The following KMT2E variants were observed in gnomAD, a reference collection of about 807,000 sequenced individuals.
KMT2E encodes lysine methyltransferase 2E (inactive).
In KMT2E, 30 loss-of-function variants were observed where a neutral mutation model predicts 184.6. That is an observed-to-expected ratio of 0.16 (90% confidence interval 0.12 to 0.22). KMT2E has a LOEUF of 0.22. Ranked by LOEUF, KMT2E falls within the 10% of genes least tolerant of loss-of-function variation. The pLI is 1.00. For missense variants in KMT2E, 2,023 were observed against 2,237.4 expected, an observed-to-expected ratio of 0.90 and a Z score of 1.93; for synonymous variants, 815 against 776.5, an observed-to-expected ratio of 1.05 and a Z score of -0.82.
intron 6 of KMT2E, among the ~76,000 whole-genome samples, 199 bp from the exon 7 acceptor site, chr7:105,073,420 T>A (rs761544659): frequency 1.4e-5 from 2 of 143,528 alleles, no homozygotes; most frequent in Admixed American, 7.1e-5. Context: ...AAAAAAAAAA[T>A]CAGAGTGAAA....
intron 5 of KMT2E, among the ~76,000 whole-genome samples, chr7:105,066,090 G>A (rs1018200159): frequency 6.6e-6 from 1 of 151,864 alleles, no homozygotes; most frequent in Non-Finnish European, 1.5e-5. Context: ...TGCCTCTTTA[G>A]TTGGTCTTTC....
chr7:105,069,772 A>G (rs780975228), intron 6 of KMT2E, among the ~76,000 whole-genome samples: 8 of 152,202 alleles, frequency 5.3e-5, no homozygotes, highest in Non-Finnish European at 1.2e-4. Context: ...CACTCTATAG[A>G]ACATTCCTGT....
intron 15 of KMT2E, among the ~76,000 whole-genome samples, chr7:105,096,777 A>G (rs890460493): frequency 1.3e-5 from 2 of 152,248 alleles, no homozygotes; most frequent in African/African-American, 4.8e-5. Context: ...GCTTCCCTGT[A>G]GTTCAGGTAA....
intron 18 of KMT2E, 21 bp downstream of exon 18, chr7:105,105,714 A>G (rs1407031292): frequency 1.9e-6 from 3 of 1,587,686 alleles, no homozygotes; most frequent in Non-Finnish European, 2.6e-6. Context: ...CTTTGGAAGT[A>G]AAAATGTAGA....
At chr7:105,075,638 A>G (rs974858827) in intron 8 of KMT2E, among the ~76,000 whole-genome samples, 29 of 151,678 alleles carry the variant, frequency 1.9e-4, no homozygotes, top group African/African-American at 7.0e-4. Context: ...TTGTCTTTGT[A>G]TTATATTATA....
chr7:105,039,954 G>A (rs189202381), intron 2 of KMT2E, among the ~76,000 whole-genome samples: 337 of 152,146 alleles, frequency 2.2e-3, no homozygotes, highest in Non-Finnish European at 3.4e-3. Context: ...TAGAAAAATT[G>A]ATGTTGAAGC....
In KMT2E at chr7:105,040,976, G is replaced by C; in HGVS notation, c.24G>C (p.Gly8=). ...TCATGAGCATAGTGATCCCATTGGG[G>C]GTTGATACAGCAGAGACGTCATACT... The part of the protein sequence containing the change: MSIVIPL[G]VDTAETSYLE... The change falls in exon 3 of 27, where the codon GGG becomes GGC. Residue 8 remains glycine (G), a synonymous_variant. Transcript: ENST00000311117. The C allele has an allele frequency of 6.2e-7, 1 of 1,612,068 alleles. No individual in the cohort carries two copies. Among genetic ancestry groups the C allele is most frequent in the Non-Finnish European group, 8.5e-7 (1 of 1,179,324 alleles).
rs1799541232 is a variant in KMT2E, at chr7:105,114,903, A to G, written c.*1570A>G. ...CAATTTGTCCAACAAAATTCTATTT[A>G]TGGTATTTAGTAAAGAAACATTTGT... On this transcript the variant is annotated 3_prime_UTR_variant, in exon 27 of 27. Transcript: ENST00000311117. Among the ~76,000 whole-genome samples, 1 of 152,236 alleles carries G rather than the reference A, an allele frequency of 6.6e-6. No individual in the cohort carries two copies. The highest frequency in any genetic ancestry group is 1.5e-5 in the Non-Finnish European group (1 of 68,036).
chr7:105,030,735 C>G (rs1229181291), intron 1 of KMT2E, among the ~76,000 whole-genome samples: 6 of 152,194 alleles, frequency 3.9e-5, no homozygotes, highest in African/African-American at 7.2e-5. Context: ...CTATCATTTT[C>G]TACTCCTATC....
chr7:105,105,420 A>T lies in KMT2E; in HGVS notation c.2197-19A>T, dbSNP rs139771344. 544 of 1,549,050 alleles carry T rather than the reference A, an allele frequency of 3.5e-4. 2 individuals carry two copies. The African/African-American group carries it at 6.9e-3, about 20-fold the overall frequency. The stretch of plus-strand genomic sequence containing the variant: ...TTGGAATTACATATATAATGATCCA[A>T]TTTTTTTCTTTTCTCTAGCACTTGG... On this transcript the variant is annotated intron_variant, in intron 17 of 26. Transcript: ENST00000311117.
intron 24 of KMT2E, 32 bp from the exon 25 acceptor site, chr7:105,110,445 T>C: frequency 6.2e-7 from 1 of 1,614,146 alleles, no homozygotes; most frequent in South Asian, 1.1e-5. Flanking sequence ...AGCTCTAATG[T>C]TCTCTTTGGG....
At chr7:105,065,949 A>T (rs549841230) in intron 5 of KMT2E, among the ~76,000 whole-genome samples, 2 of 152,198 alleles carry the variant, frequency 1.3e-5, no homozygotes, top group Non-Finnish European at 2.9e-5. Flanking sequence ...AAACTGGTCC[A>T]TGTATTCTAT....
At chr7:105,073,182 G>T (rs1797395362) in intron 6 of KMT2E, among the ~76,000 whole-genome samples, 1 of 151,396 alleles carries the variant, frequency 6.6e-6, no homozygotes, top group East Asian at 1.9e-4. Context: ...GCAGGGGTGG[G>T]AGGATCACTT....
rs1798965705 is a variant in KMT2E at position 105,107,562 on chromosome 7, A to G, written c.3105A>G (p.Leu1035=). The G allele has an allele frequency of 6.2e-7, 1 of 1,614,126 alleles. No homozygotes were observed. Among genetic ancestry groups the G allele is most frequent in the Non-Finnish European group, 8.5e-7 (1 of 1,179,982 alleles). ...TCGATGCAGTTGAGCCAACTGCCCT[A>G]CATAAAACCCTGGAAACGCCTGCAC... ...LGLDAVEPTA[L]HKTLETPAHD... is the part of the protein sequence containing the mutation. Residue 1035 remains leucine (L), a synonymous_variant, in exon 22 of 27, where the codon CTA becomes CTG. Coordinates refer to ENST00000311117, the MANE Select transcript of KMT2E (RefSeq NM_182931.3).
intron 1 of KMT2E, among the ~76,000 whole-genome samples, chr7:105,027,264 T>G (rs543966390): frequency 6.6e-6 from 1 of 151,988 alleles, no homozygotes; most frequent in East Asian, 1.9e-4. Flanking sequence ...AAACAAATTT[T>G]TTTTTGTAGA....
At chr7:105,097,686 C>G (rs886418374) in intron 15 of KMT2E, among the ~76,000 whole-genome samples, 2 of 152,184 alleles carry the variant, frequency 1.3e-5, no homozygotes, top group African/African-American at 4.8e-5. Flanking sequence ...CTGTGCCCAG[C>G]CACCTATTTT....
At chr7:105,109,761 A>T (rs2129570053) in intron 23 of KMT2E, among the ~76,000 whole-genome samples, 1 of 152,266 alleles carries the variant, frequency 6.6e-6, no homozygotes, top group East Asian at 1.9e-4. Context: ...TTCACCAATA[A>T]ATTGCTGGAG....
intron 3 of KMT2E, among the ~76,000 whole-genome samples, chr7:105,041,680 T>C (rs912740592): frequency 1.3e-5 from 2 of 152,232 alleles, no homozygotes; most frequent in African/African-American, 4.8e-5. Context: ...ATTACAGGCA[T>C]GAACCACTGC....
At chr7:105,045,932 T>G (rs1263262447) in intron 3 of KMT2E, among the ~76,000 whole-genome samples, 2 of 152,224 alleles carry the variant, frequency 1.3e-5, no homozygotes, top group East Asian at 3.8e-4. Flanking sequence ...TTTCTTCTTT[T>G]TCTTAAATAT....
Sources: gnomAD v4.1 joint callset for allele counts (sites outside exome capture counted in the v4.1 genomes callset) on GRCh38, gnomAD v4.1.1 for gene constraint, MANE v1.5 for transcripts, NCBI Gene and HGNC (gene_info 2026-07-23, HGNC 2026-07-21) for gene names.